The following RIMS4 variants were observed in gnomAD, a reference collection of about 807,000 sequenced individuals.
RIMS4 encodes the protein regulating synaptic membrane exocytosis 4.
RIMS4 carries 9 observed loss-of-function variants against 29.0 expected under a neutral mutation model. The observed-to-expected ratio is 0.31, with a 90% CI of 0.19 to 0.54. The LOEUF is 0.54. RIMS4 is among the 20% of genes least tolerant of loss of function. RIMS4 has a pLI of 0.94. For missense variants in RIMS4, 193 were observed against 365.7 expected (o/e 0.53, Z 3.85); for synonymous variants, 130 against 152.9 (o/e 0.85, Z 1.10).
chr20:44,773,645 T>G (rs1301795067), intron 1 of RIMS4, among the ~76,000 whole-genome samples: 1 of 152,026 alleles, frequency 6.6e-6, no homozygotes, highest in Non-Finnish European at 1.5e-5. Context: ...CTGACACATT[T>G]CTCCCGGAAG....
intron 1 of RIMS4, among the ~76,000 whole-genome samples, chr20:44,777,167 C>T (rs375626544): frequency 2.0e-5 from 3 of 152,278 alleles, no homozygotes; most frequent in South Asian, 2.1e-4. Context: ...TGAGCTCATT[C>T]GTCATTTACT....
chr20:44,803,682 G>A (rs530005656), intron 1 of RIMS4, among the ~76,000 whole-genome samples: 1 of 152,168 alleles, frequency 6.6e-6, no homozygotes, highest in Non-Finnish European at 1.5e-5. Flanking sequence ...AAAAAGGGGA[G>A]GGGGGATGGC....
chr20:44,756,178 A>T lies in RIMS4; in HGVS notation c.766T>A (p.Leu256Met). The change falls in exon 6 of 6, where the codon TTG becomes ATG. Residue 256 changes from leucine (L) to methionine (M), a missense_variant. Physicochemically the swap from Leu to Met is conservative, Grantham distance 15 (BLOSUM62 2). Transcript: ENST00000372851. This position sits in a 1 kb window ranked among gnomAD's most constrained non-coding sequence, Gnocchi z 5.9. ...GGCCCCACGGTGCTCTCGAGGGACA[A>T]CTGGGATGCCTGCCGGAGCAGGGGG... ...TGPLLRQASQ[L>M]SLESTVGPCG... 1 of 1,613,704 alleles carries T rather than the reference A, an allele frequency of 6.2e-7. No homozygotes were observed. Among genetic ancestry groups the T allele is most frequent in the Non-Finnish European group, 8.5e-7 (1 of 1,179,904 alleles).
At chr20:44,776,732 AAG>A (rs2066161890) in intron 1 of RIMS4, among the ~76,000 whole-genome samples, 1 of 152,170 alleles carries the variant, frequency 6.6e-6, no homozygotes, top group Non-Finnish European at 1.5e-5. Context: ...GCCCTCAACA[AAG>A]TTGACTATTA....
Position 44,756,479 on chromosome 20 carries a change from T to G in RIMS4, c.592-127A>C. 1.4e-6 allele frequency: 1 copy of G among 717,024 alleles called. No homozygotes were observed. The highest frequency in any genetic ancestry group is 2.4e-6 in the Non-Finnish European group (1 of 423,934). The allele number at this position is 717,024 out of a possible 1,614,324, so 44.4% of individuals were successfully genotyped here. On this transcript the variant is annotated intron_variant, in intron 5 of 5. Transcript: ENST00000372851. The surrounding 1 kb of genome is among the most constrained non-coding windows in gnomAD (Gnocchi z 5.9). ...GATTTCTACCTCCTTAAAACTGCAA[T>G]TCCTCAACAGGCCTTTCTTATCACG...
rs1190517944 is a variant in RIMS4 at position 44,756,131 on chromosome 20, G to C, written c.*3C>G. The C allele has an allele frequency of 6.3e-7, 1 of 1,592,856 alleles. No homozygotes were observed. Among genetic ancestry groups the C allele is most frequent in the Non-Finnish European group, 8.6e-7 (1 of 1,167,218 alleles). ...TCTTGGGGAGCCCCTCCCCATTCCA[G>C]CACTAAGATCGTTCTCCGCAGGGCC... On this transcript the variant is annotated 3_prime_UTR_variant, in exon 6 of 6. Coordinates refer to ENST00000372851, the MANE Select transcript of RIMS4 (RefSeq NM_182970.4). This position sits in a 1 kb window ranked among gnomAD's most constrained non-coding sequence, Gnocchi z 5.9.
In RIMS4 at chr20:44,755,962, G is replaced by T; in HGVS notation, c.*172C>A. 1.7e-6 allele frequency: 1 copy of T among 588,696 alleles called. No homozygotes were observed. The allele number at this position is 588,696 out of a possible 1,614,324, so 36.5% of individuals were successfully genotyped here. ...GGGAGAGGGGAGGTCTCGGGGGTAG[G>T]AGGCAAAGAAGGGGTGAGGAGGGGC... On this transcript the variant is annotated 3_prime_UTR_variant, in exon 6 of 6. Coordinates refer to ENST00000372851, the MANE Select transcript of RIMS4 (RefSeq NM_182970.4).
intron 1 of RIMS4, among the ~76,000 whole-genome samples, chr20:44,785,393 T>C (rs930002212): frequency 7.9e-5 from 12 of 152,176 alleles, no homozygotes; most frequent in Admixed American, 1.3e-4. Context: ...TTATTTTTTG[T>C]AGAGACAGGG....
rs1028663784 is a variant in RIMS4, at chr20:44,755,894, C to A, written c.*240G>T. On this transcript the variant is annotated 3_prime_UTR_variant, in exon 6 of 6. Transcript: ENST00000372851. ...TTCTCTGGACTGCAGCCACATCCACCAGGTCAAGAACCGGCCAAGTCAAAA... is the reference window on the plus strand; with the variant it reads ...TTCTCTGGACTGCAGCCACATCCACAAGGTCAAGAACCGGCCAAGTCAAAA... The A allele has an allele frequency of 6.8e-5, 34 of 500,530 alleles. No homozygotes were observed. The highest frequency in any genetic ancestry group is 6.5e-4 in the African/African-American group (34 of 52,458). The allele number at this position is 500,530 out of a possible 1,614,324, so 31.0% of individuals were successfully genotyped here.
At chr20:44,788,480 G>A (rs900518104) in intron 1 of RIMS4, among the ~76,000 whole-genome samples, 1 of 152,188 alleles carries the variant, frequency 6.6e-6, no homozygotes, top group African/African-American at 2.4e-5. Flanking sequence ...TGACCATGAA[G>A]AGGAGACAGG....
At chr20:44,796,968 C>T (rs1407547499) in intron 1 of RIMS4, among the ~76,000 whole-genome samples, 1 of 152,238 alleles carries the variant, frequency 6.6e-6, no homozygotes, top group Non-Finnish European at 1.5e-5. Context: ...CATGTCCTAA[C>T]CCCTTGTCCT....
intron 2 of RIMS4, among the ~76,000 whole-genome samples, chr20:44,761,174 T>G (rs2066083280): frequency 6.6e-6 from 1 of 152,224 alleles, no homozygotes; most frequent in Non-Finnish European, 1.5e-5. Context: ...CAGTGCTCAC[T>G]AAATGCCACA....
At chr20:44,795,720 G>T (rs976575185) in intron 1 of RIMS4, among the ~76,000 whole-genome samples, 20 of 152,218 alleles carry the variant, frequency 1.3e-4, no homozygotes, top group Admixed American at 1.2e-3. Flanking sequence ...GTGTCAGAAT[G>T]CAAGGGGTGC....
intron 1 of RIMS4, among the ~76,000 whole-genome samples, chr20:44,794,768 G>T (rs2066247452): frequency 6.6e-6 from 1 of 152,138 alleles, no homozygotes; most frequent in African/African-American, 2.4e-5. Context: ...CACGTGGCCA[G>T]CCCAGACACC....
intron 1 of RIMS4, among the ~76,000 whole-genome samples, chr20:44,798,830 G>C (rs903494147): frequency 6.6e-6 from 1 of 152,194 alleles, no homozygotes; most frequent in Non-Finnish European, 1.5e-5. Flanking sequence ...CCCATGCTGC[G>C]TCTCCCTCTC....
intron 1 of RIMS4, among the ~76,000 whole-genome samples, chr20:44,800,323 C>G (rs1186691050): frequency 6.6e-6 from 1 of 152,042 alleles, no homozygotes; most frequent in Admixed American, 6.6e-5. Flanking sequence ...TTTGGATGTC[C>G]TCTGGTGCTG....
At chr20:44,766,570 C>G (rs1487706598) in intron 2 of RIMS4, among the ~76,000 whole-genome samples, 2 of 152,118 alleles carry the variant, frequency 1.3e-5, no homozygotes, top group Non-Finnish European at 2.9e-5. Flanking sequence ...GATGTATGGC[C>G]TTGACCAGGA....
In RIMS4 at chr20:44,756,038, C is replaced by T; in HGVS notation, c.*96G>A. On this transcript the variant is annotated 3_prime_UTR_variant, in exon 6 of 6. Transcript: ENST00000372851. The surrounding 1 kb of genome is among the most constrained non-coding windows in gnomAD (Gnocchi z 5.9). ...CTGCTTCCCCACTGTGGGGGAGAGC[C>T]CCGTCCTCCTGTTCAATGTGCCCCT... The T allele has an allele frequency of 2.0e-6, 2 of 981,038 alleles. No homozygotes were observed. The highest frequency in any genetic ancestry group is 3.1e-5 in the South Asian group (2 of 64,880). The allele number at this position is 981,038 out of a possible 1,614,324, so 60.8% of individuals were successfully genotyped here.
intron 1 of RIMS4, among the ~76,000 whole-genome samples, chr20:44,809,067 A>G (rs193266292): frequency 3.7e-4 from 56 of 151,654 alleles, no homozygotes; most frequent in Admixed American, 3.2e-3. Context: ...TTCACCTTAT[A>G]AAACACTGAA....
Sources: gnomAD v4.1 joint callset for allele counts (sites outside exome capture counted in the v4.1 genomes callset) on GRCh38, gnomAD v4.1.1 for gene constraint, Gnocchi (gnomAD v3.1) non-coding constraint, MANE v1.5 for transcripts, NCBI Gene and HGNC (gene_info 2026-07-23, HGNC 2026-07-21) for gene names.